HSPH1: variants seen among roughly 807,000 people sequenced by gnomAD.
HSPH1 encodes the protein heat shock protein 105 kDa.
Under a neutral mutation model 100.0 loss-of-function variants are expected in HSPH1, and 40 were observed. The observed-to-expected ratio is 0.40, with a 90% CI of 0.31 to 0.52. HSPH1 has a LOEUF of 0.52. Ranked by LOEUF, HSPH1 falls within the 20% of genes least tolerant of loss-of-function variation. The probability of loss-of-function intolerance (pLI) is 0.54; values close to 1 mark genes in which losing one functional copy is unlikely to be tolerated. For missense variants in HSPH1, 876 were observed against 1,015.1 expected, an observed-to-expected ratio of 0.86 and a Z score of 1.86; for synonymous variants, 403 against 344.0, an observed-to-expected ratio of 1.17 and a Z score of -1.90.
rs974156 is a variant in HSPH1, at chr13:31,161,538, G to T, written c.45C>A (p.Ile15=). Residue 15 remains isoleucine (I), a synonymous_variant, in exon 1 of 18, where the codon ATC becomes ATA. Transcript: ENST00000320027. ...CGATGCCCCCGGCCCGGGCTACCGC[G>T]ATGTAGCAGCTCTGCGAGCCCACGT... The part of the protein sequence containing the change: ...GLDVGSQSCY[I]AVARAGGIET... 6,432 of 1,613,920 alleles carry T rather than the reference G, an allele frequency of 4.0e-3. 348 individuals are homozygous for T. The Admixed American group carries it at 0.097, about 24-fold the overall frequency.
chr13:31,156,420 T>C (rs569104210), intron 2 of HSPH1, among the ~76,000 whole-genome samples: 87 of 151,842 alleles, frequency 5.7e-4, no homozygotes, highest in South Asian at 2.1e-3. Context: ...TTTTTATAGC[T>C]GGGCATGGCA....
upstream of HSPH1, chr13:31,161,941 G>A (rs564862731): frequency 1.0e-5 from 16 of 1,535,356 alleles, no homozygotes; most frequent in Non-Finnish European, 1.4e-5. Context: ...CTTATGTATC[G>A]CACTGATCAG....
At chr13:31,161,324 C>G in intron 1 of HSPH1, 152 bp downstream of exon 1, 1 of 1,371,310 alleles carries the variant, frequency 7.3e-7, no homozygotes, top group Non-Finnish European at 9.8e-7. Context: ...CTCCTCTGGC[C>G]GGGTCGCTGG....
At chr13:31,153,295 G>T (rs939690706) in intron 4 of HSPH1, among the ~76,000 whole-genome samples, 34 of 152,148 alleles carry the variant, frequency 2.2e-4, no homozygotes, top group African/African-American at 8.0e-4. Context: ...CAAACTAGTT[G>T]TAAGTTTCTA....
chr13:31,155,579 G>C lies in HSPH1; in HGVS notation c.241C>G (p.Gln81Glu), dbSNP rs759272976. The C allele has an allele frequency of 6.2e-7, 1 of 1,611,004 alleles. No individual in the cohort carries two copies. Among genetic ancestry groups the C allele is most frequent in the Non-Finnish European group, 8.5e-7 (1 of 1,177,676 alleles). The change falls in exon 3 of 18, where the codon CAA becomes GAA. Residue 81 changes from glutamine (Q) to glutamate (E), a missense_variant. Gln to Glu is a conservative substitution (Grantham distance 29, BLOSUM62 2). Coordinates refer to ENST00000320027, the MANE Select transcript of HSPH1 (RefSeq NM_006644.4). The part of the protein sequence containing the change: ...HGRAFNDPFI[Q>E]KEKENLSYDL... Reference sequence around the variant, plus strand: ...TAACTCAAGTTTTCCTTCTCCTTTTGAATGAAGGGGTCATTGAATGCTCGG... The same window carrying C: ...TAACTCAAGTTTTCCTTCTCCTTTTCAATGAAGGGGTCATTGAATGCTCGG...
intron 3 of HSPH1, 99 bp from the exon 4 acceptor site, chr13:31,154,854 T>C: frequency 9.9e-7 from 1 of 1,006,412 alleles, no homozygotes; most frequent in Non-Finnish European, 1.4e-6. Flanking sequence ...TTCCACAAAA[T>C]CTTTATTTTA....
Position 31,136,562 on chromosome 13 carries a change from T to C in HSPH1, c.*756A>G, listed in dbSNP as rs1955888488. 6.6e-6 allele frequency: 1 copy of C among 152,554 alleles called. No individual in the cohort carries two copies. Among genetic ancestry groups the C allele is most frequent in the Non-Finnish European group, 1.5e-5 (1 of 68,036 alleles). The allele number at this position is 152,554 out of a possible 1,614,324, so 9.5% of individuals were successfully genotyped here. A position where few individuals can be genotyped will look rare whatever the true frequency, so the allele number is the denominator to read the frequency against. ...AAGAAAAACTGGACACTAACTTCATTTCTGCTAGAATAATTCATATTCTCC... is the reference window on the plus strand; with the variant it reads ...AAGAAAAACTGGACACTAACTTCATCTCTGCTAGAATAATTCATATTCTCC... On this transcript the variant is annotated 3_prime_UTR_variant, in exon 18 of 18. Coordinates refer to ENST00000320027, the MANE Select transcript of HSPH1 (RefSeq NM_006644.4).
intron 13 of HSPH1, 123 bp downstream of exon 13, chr13:31,140,999 C>A: frequency 1.6e-6 from 1 of 620,012 alleles, no homozygotes; most frequent in East Asian, 3.0e-5. Flanking sequence ...TCATCCTATC[C>A]CTAAAACTAT....
rs759908674 is a variant in HSPH1 at position 31,150,006 on chromosome 13, A to G, written c.1085T>C (p.Ile362Thr). Reference sequence around the variant, plus strand: ...TTCATCTGCATTGAGTGTTGTGCTAATATCTTTTCCAAAGAATTTGGCAAT... The same window carrying G: ...TTCATCTGCATTGAGTGTTGTGCTAGTATCTTTTCCAAAGAATTTGGCAAT... ...ERIAKFFGKD[I>T]STTLNADEAV... The change falls in exon 8 of 18, where the codon ATT (isoleucine) becomes ACT (threonine). Residue 362 changes from isoleucine to threonine, a missense_variant. Ile to Thr is a moderately conservative substitution (Grantham distance 89, BLOSUM62 -1). Transcript: ENST00000320027. 9 of 1,613,870 alleles carry G rather than the reference A, an allele frequency of 5.6e-6. No homozygotes were observed. Among genetic ancestry groups the G allele is most frequent in the South Asian group, 4.4e-5 (4 of 91,078 alleles).
rs1956461809 is a variant in HSPH1 at position 31,150,864 on chromosome 13, T to A, written c.908+83A>T. Reference sequence around the variant, plus strand: ...ACAATTCTGAAATGTAGGCCAAGACTCACAACACCCACTAGAACTGACACC... The same window carrying A: ...ACAATTCTGAAATGTAGGCCAAGACACACAACACCCACTAGAACTGACACC... On this transcript the variant is annotated intron_variant, in intron 7 of 17. Coordinates refer to ENST00000320027, the MANE Select transcript of HSPH1 (RefSeq NM_006644.4). 5.8e-6 allele frequency: 8 copies of A among 1,378,856 alleles called. 1 individual carries two copies. The South Asian group carries it at 1.1e-4, about 19-fold the overall frequency. 85.4% of individuals were successfully genotyped at this position (1,378,856 alleles called of 1,614,324 possible).
In HSPH1 at chr13:31,137,906, G is replaced by C. The variant is rs149747022; in HGVS notation, c.2371-382C>G. ...AGCTTGAAACTGACAGTGCTTAAAA[G>C]GGTCACTTTTCCTTGACCTTCACTG... On this transcript the variant is annotated intron_variant, in intron 17 of 17. Transcript: ENST00000320027. Among the ~76,000 whole-genome samples, 119 of 152,244 alleles carry C rather than the reference G, an allele frequency of 7.8e-4. 2 individuals are homozygous for C. The East Asian group carries it at 7.9e-3, about 10-fold the overall frequency.
chr13:31,161,621 T>C lies in HSPH1; in HGVS notation c.-39A>G. 1 of 1,607,576 alleles carries C rather than the reference T, an allele frequency of 6.2e-7. No individual in the cohort carries two copies. On this transcript the variant is annotated 5_prime_UTR_variant, in exon 1 of 18. Transcript: ENST00000320027. ...TCCGCCTCCGCCTCGGGTCTCGGTC[T>C]GCGTCCTCCGGCCCCCTGCCTGCTT...
chr13:31,161,132 C>T (rs1375598098), intron 1 of HSPH1, among the ~76,000 whole-genome samples: 5 of 152,158 alleles, frequency 3.3e-5, no homozygotes, highest in Non-Finnish European at 7.4e-5. Flanking sequence ...TGCAGCCTGC[C>T]AAGAAAAGGG....
At chr13:31,149,062 T>C (rs902353974) in intron 8 of HSPH1, among the ~76,000 whole-genome samples, 1 of 152,124 alleles carries the variant, frequency 6.6e-6, no homozygotes, top group Admixed American at 6.5e-5. Context: ...TCATTTACTA[T>C]AGGATCCTTC....
At chr13:31,143,757 A>AT in intron 12 of HSPH1, 35 bp downstream of exon 12, 1 of 1,561,418 alleles carries the variant, frequency 6.4e-7, no homozygotes, top group Non-Finnish European at 8.7e-7. Context: ...ACTTTGCAAC[A>AT]TTGTCTAATG....
chr13:31,150,840 CAA>C (rs1814824087), intron 7 of HSPH1, 105 bp downstream of exon 7: 2 of 1,137,660 alleles, frequency 1.8e-6, no homozygotes, highest in Non-Finnish European at 2.5e-6. Flanking sequence ...ATGTAACACA[CAA>C]TTCTGAAATG....
At chr13:31,151,937 C>T in intron 5 of HSPH1, 195 bp from the exon 6 acceptor site, 1 of 552,702 alleles carries the variant, frequency 1.8e-6, no homozygotes, top group South Asian at 2.3e-5. Context: ...GATTTCAGAA[C>T]AATGCTCTAT....
rs774972643 is a variant in HSPH1 at position 31,148,055 on chromosome 13, A to C, written c.1282T>G (p.Phe428Val). The C allele has an allele frequency of 1.2e-6, 2 of 1,611,016 alleles. No individual in the cohort carries two copies. Among genetic ancestry groups the C allele is most frequent in the South Asian group, 2.2e-5 (2 of 90,428 alleles). ...CTCAGAAAGGTGAGAACTTTGGAGA[A>C]AGGAGCAGCATGGTTTCGACTAAAG... ...EVFSRNHAAP[F>V]SKVLTFLRRG... is the part of the protein sequence containing the mutation. Residue 428 changes from phenylalanine to valine, a missense_variant, in exon 10 of 18, where the codon TTC (phenylalanine) becomes GTC (valine). Physicochemically the swap from Phe to Val is conservative, Grantham distance 50 (BLOSUM62 -1). Coordinates refer to ENST00000320027, the MANE Select transcript of HSPH1 (RefSeq NM_006644.4).
upstream of HSPH1, chr13:31,162,106 G>A (rs1161084517): frequency 2.0e-6 from 3 of 1,535,870 alleles, no homozygotes; most frequent in East Asian, 2.4e-5. Context: ...GCAGCGACAG[G>A]GCCGCTCCCG....
Sources: gnomAD v4.1 joint callset for allele counts (sites outside exome capture counted in the v4.1 genomes callset) on GRCh38, gnomAD v4.1.1 for gene constraint, MANE v1.5 for transcripts, NCBI Gene and HGNC (gene_info 2026-07-23, HGNC 2026-07-21) for gene names.